The following RIMS2 variants were observed in gnomAD, a reference collection of about 807,000 sequenced individuals.
The protein encoded by RIMS2 is regulating synaptic membrane exocytosis 2.
RIMS2 carries 59 observed loss-of-function variants against 174.4 expected under a neutral mutation model. The observed-to-expected ratio is 0.34, with a 90% CI of 0.27 to 0.42. RIMS2 has a LOEUF of 0.42. Ranked by LOEUF, RIMS2 falls within the 10% of genes least tolerant of loss-of-function variation. RIMS2 has a pLI of 1.00. For synonymous variants in RIMS2, 606 were observed against 572.5 expected (o/e 1.06, Z -0.84); for missense variants, 1,620 against 1,666.3 (o/e 0.97, Z 0.48).
At chr8:104,201,216 C>A (rs2099053133) in intron 19 of RIMS2, among the ~76,000 whole-genome samples, 1 of 152,038 alleles carries the variant, frequency 6.6e-6, no homozygotes, top group South Asian at 2.1e-4. Context: ...AAGTTTTAAT[C>A]CTAACATAGG....
intron 3 of RIMS2, among the ~76,000 whole-genome samples, chr8:103,808,876 A>T (rs956333059): frequency 2.6e-5 from 4 of 152,142 alleles, no homozygotes. Flanking sequence ...ATACAGTGAG[A>T]TAATATTTTG....
chr8:104,095,480 A>G (rs2097743649), intron 19 of RIMS2, among the ~76,000 whole-genome samples: 1 of 152,170 alleles, frequency 6.6e-6, no homozygotes, highest in Non-Finnish European at 1.5e-5. Flanking sequence ...GAAAAAATAC[A>G]GGCAGCATGG....
chr8:103,860,944 A>G (rs1177200785), intron 3 of RIMS2, among the ~76,000 whole-genome samples: 1 of 151,980 alleles, frequency 6.6e-6, no homozygotes, highest in Non-Finnish European at 1.5e-5. Context: ...GTAAGTAGAC[A>G]TAGTAGGTTA....
intron 2 of RIMS2, among the ~76,000 whole-genome samples, chr8:103,730,708 C>T (rs2097581200): frequency 1.3e-5 from 2 of 152,128 alleles, no homozygotes; most frequent in Non-Finnish European, 2.9e-5. Context: ...TTTCTTATTT[C>T]TCATTAACAT....
At chr8:103,861,457 T>G (rs1379283580) in intron 3 of RIMS2, among the ~76,000 whole-genome samples, 1 of 152,182 alleles carries the variant, frequency 6.6e-6, no homozygotes, top group African/African-American at 2.4e-5. Context: ...TGCATGTGTC[T>G]TTTTGATATA....
chr8:103,752,162 TA>T (rs1251530272), intron 2 of RIMS2, among the ~76,000 whole-genome samples: 2 of 152,232 alleles, frequency 1.3e-5, no homozygotes, highest in Non-Finnish European at 2.9e-5. Flanking sequence ...TTCAGCTTTT[TA>T]CATATGGCTA....
At chr8:104,145,473 A>G (rs866739495) in intron 19 of RIMS2, among the ~76,000 whole-genome samples, 1 of 151,800 alleles carries the variant, frequency 6.6e-6, no homozygotes, top group African/African-American at 2.4e-5. Context: ...TCATAAATCA[A>G]GACTCCCAAA....
chr8:103,609,996 T>C (rs1048535377), intron 1 of RIMS2, among the ~76,000 whole-genome samples: 2 of 152,228 alleles, frequency 1.3e-5, no homozygotes, highest in African/African-American at 4.8e-5. Flanking sequence ...TTATGTCATC[T>C]CTGATTTCTT....
chr8:103,551,510 A>G (rs981402605), intron 1 of RIMS2, among the ~76,000 whole-genome samples: 2 of 152,176 alleles, frequency 1.3e-5, no homozygotes, highest in African/African-American at 4.8e-5. Context: ...ATGTACAAAA[A>G]CTGGAAGCAT....
chr8:103,933,074 C>T (rs532932671), intron 12 of RIMS2, among the ~76,000 whole-genome samples: 4 of 152,104 alleles, frequency 2.6e-5, no homozygotes, highest in East Asian at 1.9e-4. Flanking sequence ...GGGCAGATCA[C>T]GAGGTCAGGA....
intron 19 of RIMS2, among the ~76,000 whole-genome samples, chr8:104,049,390 A>G (rs2096748031): frequency 1.3e-5 from 2 of 152,144 alleles, no homozygotes; most frequent in African/African-American, 4.8e-5. Flanking sequence ...GCGCCACTGC[A>G]CTCCAGCCTG....
At chr8:103,637,618 G>C (rs778318652) in intron 1 of RIMS2, among the ~76,000 whole-genome samples, 1 of 152,082 alleles carries the variant, frequency 6.6e-6, no homozygotes, top group Admixed American at 6.5e-5. Context: ...AAATTTTTAG[G>C]AGAGTTGCAA....
Position 104,136,948 on chromosome 8 carries a change from G to T in RIMS2, c.3335-107968G>T, listed in dbSNP as rs77410914. On this transcript the variant is annotated intron_variant, in intron 19 of 23. Coordinates refer to ENST00000504942, the Ensembl canonical transcript of RIMS2. ...CTGCACTTGTACCCCGGATTTAAAA[G>T]TTAAAAAAAATTCAATTGTACTCAT... Among the ~76,000 whole-genome samples, 192 of 151,972 alleles carry T rather than the reference G, an allele frequency of 1.3e-3. 1 individual carries two copies. The East Asian group carries it at 0.022, about 18-fold the overall frequency.
intron 1 of RIMS2, among the ~76,000 whole-genome samples, chr8:103,625,533 A>T (rs2095760748): frequency 2.0e-5 from 3 of 152,188 alleles, no homozygotes; most frequent in Admixed American, 2.0e-4. Flanking sequence ...TTTCCCATGT[A>T]TTAATTTGTT....
intron 1 of RIMS2, among the ~76,000 whole-genome samples, chr8:103,696,712 A>G (rs1164796766): frequency 6.6e-6 from 1 of 151,846 alleles, no homozygotes; most frequent in African/African-American, 2.4e-5. Context: ...AAAAATATAA[A>G]AATTAGCTGG....
intron 20 of RIMS2, among the ~76,000 whole-genome samples, chr8:104,246,808 G>A (rs981212824): frequency 1.3e-5 from 2 of 152,152 alleles, no homozygotes; most frequent in Non-Finnish European, 2.9e-5. Flanking sequence ...GGGCAGCACT[G>A]GGGAGGAAGG....
At chr8:103,761,535 A>G (rs945186474) in intron 2 of RIMS2, among the ~76,000 whole-genome samples, 3 of 152,212 alleles carry the variant, frequency 2.0e-5, no homozygotes, top group African/African-American at 7.2e-5. Flanking sequence ...TCTTGGCTGA[A>G]CAGCATGAAG....
At chr8:103,723,027 A>ACATGAACCCAGGAGGTGGAGGTTG in intron 2 of RIMS2, among the ~76,000 whole-genome samples, 1 of 152,270 alleles carries the variant, frequency 6.6e-6, no homozygotes, top group East Asian at 1.9e-4. Context: ...TAGGAGAATC[A>ACATGAACCCAGGAGGTGGAGGTTG]CATGAACCCA....
chr8:103,902,970 T>G (rs2073534987), intron 4 of RIMS2, among the ~76,000 whole-genome samples: 1 of 152,084 alleles, frequency 6.6e-6, no homozygotes. Context: ...ATGCCACATG[T>G]ATAACTTGAC....
Sources: gnomAD v4.1 joint callset for allele counts (sites outside exome capture counted in the v4.1 genomes callset) on GRCh38, gnomAD v4.1.1 for gene constraint, MANE v1.5 for transcripts, NCBI Gene and HGNC (gene_info 2026-07-23, HGNC 2026-07-21) for gene names.